The following ANKRD17 variants were observed in gnomAD, a reference collection of about 807,000 sequenced individuals.
ANKRD17 encodes ankyrin repeat domain-containing protein 17.
ANKRD17 carries 19 observed loss-of-function variants against 229.7 expected under a neutral mutation model. The observed-to-expected ratio is 0.08, with a 90% CI of 0.06 to 0.12. The LOEUF is 0.12. Among genes scored for constraint, ANKRD17 ranks in the 10% least tolerant of loss-of-function variants. The pLI is 1.00. For missense variants in ANKRD17, 2,176 were observed against 3,176.8 expected, an observed-to-expected ratio of 0.68 and a Z score of 7.57; for synonymous variants, 1,112 against 1,146.1, an observed-to-expected ratio of 0.97 and a Z score of 0.60.
rs60930238 is a variant in ANKRD17 at position 73,204,375 on chromosome 4, A to G, written c.394-26842T>C. On this transcript the variant is annotated intron_variant, in intron 1 of 33. Coordinates refer to ENST00000358602, the MANE Select transcript of ANKRD17 (RefSeq NM_032217.5). ...GACTCCGTCAAAAAAAAAAAAAAAA[A>G]AAAAGAAAAGAAAAGAAAAGAAAAA... Among the ~76,000 whole-genome samples, 944 of 150,046 alleles carry G rather than the reference A, an allele frequency of 6.3e-3. 14 individuals carry two copies. Among genetic ancestry groups the G allele is most frequent in the African/African-American group, 0.021 (833 of 40,612 alleles).
chr4:73,157,662 C>A (rs1049401785), intron 3 of ANKRD17, among the ~76,000 whole-genome samples: 1 of 152,184 alleles, frequency 6.6e-6, no homozygotes, highest in Non-Finnish European at 1.5e-5. Flanking sequence ...TTATTACCAT[C>A]AGCCAGATTT....
chr4:73,114,513 T>TA (rs1426794682), intron 23 of ANKRD17, among the ~76,000 whole-genome samples: 3 of 152,118 alleles, frequency 2.0e-5, no homozygotes, highest in Non-Finnish European at 4.4e-5. Flanking sequence ...CAGTGGCTAT[T>TA]AACAGGCATA....
chr4:73,190,698 G>C (rs1220498760), intron 1 of ANKRD17, among the ~76,000 whole-genome samples: 1 of 151,814 alleles, frequency 6.6e-6, no homozygotes, highest in Non-Finnish European at 1.5e-5. Flanking sequence ...TGAAAACTAA[G>C]TAAATGGTAA....
intron 2 of ANKRD17, among the ~76,000 whole-genome samples, chr4:73,162,138 C>T (rs1732617539): frequency 6.6e-6 from 1 of 151,728 alleles, no homozygotes; most frequent in African/African-American, 2.4e-5. Context: ...GCAGCCTCAG[C>T]GTCCTGGGTT....
intron 2 of ANKRD17, among the ~76,000 whole-genome samples, chr4:73,175,468 A>G (rs549500929): frequency 6.6e-6 from 1 of 152,272 alleles, no homozygotes; most frequent in East Asian, 1.9e-4. Flanking sequence ...AAAATTTACA[A>G]GGAACCTCAA....
At chr4:73,131,396 T>G (rs1728181801) in intron 16 of ANKRD17, among the ~76,000 whole-genome samples, 1 of 152,240 alleles carries the variant, frequency 6.6e-6, no homozygotes, top group African/African-American at 2.4e-5. Context: ...CTGACCATTT[T>G]CCAGAATCAT....
chr4:73,210,630 T>C (rs1396707516), intron 1 of ANKRD17, among the ~76,000 whole-genome samples: 1 of 152,198 alleles, frequency 6.6e-6, no homozygotes, highest in African/African-American at 2.4e-5. Context: ...CACTACATTA[T>C]TGTTTTCAAC....
At chr4:73,096,338 G>C (rs1377024947) in intron 27 of ANKRD17, among the ~76,000 whole-genome samples, 2 of 152,172 alleles carry the variant, frequency 1.3e-5, no homozygotes, top group African/African-American at 4.8e-5. Flanking sequence ...TAATCCAATA[G>C]AGTGTGTATG....
chr4:73,081,634 G>A (rs1346461244), intron 30 of ANKRD17, among the ~76,000 whole-genome samples: 1 of 152,178 alleles, frequency 6.6e-6, no homozygotes, highest in African/African-American at 2.4e-5. Flanking sequence ...GCAGATCTAG[G>A]TTTTGTGGGG....
chr4:73,091,613 T>G lies in ANKRD17; in HGVS notation c.6015A>C (p.Thr2005=), dbSNP rs1475120907. Residue 2005 remains threonine, a synonymous_variant, in exon 29 of 34, where the codon ACA becomes ACC. Transcript: ENST00000358602. ...TGACTGTTGTTGTGGTGGCATTGGA[T>G]GTCTTCACAACTGTGACAAAAAGCT... ...RRQLFVTVVK[T]SNATTTTVTT... 6.2e-7 allele frequency: 1 copy of G among 1,614,198 alleles called. No individual in the cohort carries two copies. Among genetic ancestry groups the G allele is most frequent in the Non-Finnish European group, 8.5e-7 (1 of 1,180,036 alleles).
intron 29 of ANKRD17, 103 bp downstream of exon 29, chr4:73,090,564 T>C (rs926107359): frequency 8.1e-5 from 115 of 1,415,804 alleles, no homozygotes; most frequent in Non-Finnish European, 1.1e-4. Context: ...CAACAATCTT[T>C]GTCTATATCG....
At chr4:73,088,392 C>T (rs1265265329) in intron 29 of ANKRD17, among the ~76,000 whole-genome samples, 1 of 152,104 alleles carries the variant, frequency 6.6e-6, no homozygotes. Flanking sequence ...AATTTTGGCT[C>T]TCATCAACTA....
intron 2 of ANKRD17, among the ~76,000 whole-genome samples, chr4:73,164,331 CATAAG>C (rs1415602242): frequency 6.6e-6 from 1 of 152,190 alleles, no homozygotes; most frequent in Non-Finnish European, 1.5e-5. Context: ...CTTGTATCTT[CATAAG>C]TAAAGATAAC....
intron 25 of ANKRD17, among the ~76,000 whole-genome samples, chr4:73,102,046 C>T (rs1328337234): frequency 1.3e-5 from 2 of 152,078 alleles, no homozygotes; most frequent in Non-Finnish European, 2.9e-5. Context: ...GATCCTCCCA[C>T]CTTACCTCCC....
chr4:73,157,383 C>G (rs904292310), intron 3 of ANKRD17, among the ~76,000 whole-genome samples: 23 of 152,056 alleles, frequency 1.5e-4, no homozygotes, highest in African/African-American at 5.3e-4. Context: ...AAGCTAAACT[C>G]AAGCAAAATG....
chr4:73,247,555 C>CT (rs1342752692), intron 1 of ANKRD17, among the ~76,000 whole-genome samples: 3 of 151,860 alleles, frequency 2.0e-5, no homozygotes, highest in Non-Finnish European at 2.9e-5. Context: ...TTAACATACT[C>CT]TAACACACAC....
rs1030807136 is a variant in ANKRD17, at chr4:73,222,867, T to C, written c.393+35409A>G. The C allele has an allele frequency of 1.4e-5, 13 of 921,516 alleles. No homozygotes were observed. In the African/African-American group the frequency reaches 2.1e-4, roughly 15 times the overall value. The allele number at this position is 921,516 out of a possible 1,614,324, so 57.1% of individuals were successfully genotyped here. ...ACCGTGTCTTGCTTTTATGCTCTGC[T>C]TCTCTTTGCTCTCTCCTCTAATCTA... is the stretch of plus-strand genomic sequence containing the variant. On this transcript the variant is annotated intron_variant, in intron 1 of 33. Transcript: ENST00000358602.
In ANKRD17 at chr4:73,139,747, C is replaced by A. The variant is rs748512484; in HGVS notation, c.2869G>T (p.Ala957Ser). 2.5e-6 allele frequency: 4 copies of A among 1,614,036 alleles called. No individual in the cohort carries two copies. The highest frequency in any genetic ancestry group is 3.4e-6 in the Non-Finnish European group (4 of 1,180,020). Residue 957 changes from alanine to serine, a missense_variant, in exon 15 of 34, where the codon GCG becomes TCG. Ala to Ser is a moderately conservative substitution (Grantham distance 99, BLOSUM62 1). Coordinates refer to ENST00000358602, the MANE Select transcript of ANKRD17 (RefSeq NM_032217.5). ...QMGFAPIQPL[A>S]MPQALPLAAG... Reference sequence around the variant, plus strand: ...GCCAGAGGCAAAGCTTGAGGCATCGCCAGAGGCTGGATTGGCGCAAAACCC... The same window carrying A: ...GCCAGAGGCAAAGCTTGAGGCATCGACAGAGGCTGGATTGGCGCAAAACCC...
At chr4:73,184,456 G>A (rs1407664463) in intron 1 of ANKRD17, among the ~76,000 whole-genome samples, 1 of 147,864 alleles carries the variant, frequency 6.8e-6, no homozygotes, top group Non-Finnish European at 1.5e-5. Flanking sequence ...TTGAATCTGG[G>A]AGGCAGAGGT....
Sources: gnomAD v4.1 joint callset for allele counts (sites outside exome capture counted in the v4.1 genomes callset) on GRCh38, gnomAD v4.1.1 for gene constraint, MANE v1.5 for transcripts, NCBI Gene and HGNC (gene_info 2026-07-23, HGNC 2026-07-21) for gene names.